The following DRAP1 variants were observed in gnomAD, a reference collection of about 807,000 sequenced individuals.
The protein encoded by DRAP1 is dr1-associated corepressor.
In DRAP1, 10 loss-of-function variants were observed where a neutral mutation model predicts 24.1. The observed-to-expected ratio is 0.41, with a 90% confidence interval of 0.26 to 0.70. DRAP1 has a LOEUF of 0.70. Among genes scored for constraint, DRAP1 ranks in the 30% least tolerant of loss-of-function variants. DRAP1 has a pLI of 0.29. For missense variants in DRAP1, 264 were observed against 275.6 expected (o/e 0.96, Z 0.30); for synonymous variants, 122 against 113.8 (o/e 1.07, Z -0.46).
chr11:65,920,196 G>A (rs1488114661), intron 3 of DRAP1, 147 bp from the exon 4 acceptor site: 1 of 1,444,076 alleles, frequency 6.9e-7, no homozygotes, highest in Non-Finnish European at 9.4e-7. Context: ...TCCAGGCAGA[G>A]GGAGCCACCT....
At chr11:65,920,247 G>T in intron 3 of DRAP1, 96 bp from the exon 4 acceptor site, 1 of 1,574,344 alleles carries the variant, frequency 6.4e-7, no homozygotes, top group Non-Finnish European at 8.6e-7. Context: ...ATCGGCCCGG[G>T]CTCCAGCCTG....
intron 2 of DRAP1, 33 bp downstream of exon 2, chr11:65,919,885 C>A (rs781614991): frequency 1.2e-6 from 2 of 1,613,172 alleles, no homozygotes; most frequent in African/African-American, 1.3e-5. Flanking sequence ...GGTCGAGGGG[C>A]GTGGGGGAGG....
chr11:65,920,545 C>T, intron 4 of DRAP1, 24 bp from the exon 5 acceptor site: 2 of 1,605,742 alleles, frequency 1.2e-6, no homozygotes, highest in Non-Finnish European at 1.7e-6. Context: ...GCACTCCGGG[C>T]AGATGGACTG....
intron 6 of DRAP1, 46 bp downstream of exon 6, chr11:65,921,018 G>A: frequency 6.9e-7 from 1 of 1,445,516 alleles, no homozygotes; most frequent in Non-Finnish European, 9.4e-7. Flanking sequence ...ACTCCCCAGA[G>A]CCAACTTACC....
At position 65,920,920 on chromosome 11, in the gene DRAP1, G is replaced by C; in HGVS notation, c.460G>C (p.Glu154Gln). Residue 154 changes from glutamate to glutamine, a missense_variant, in exon 6 of 7, where the codon GAG (glutamate) becomes CAG (glutamine). Coordinates refer to ENST00000312515, the MANE Select transcript of DRAP1 (RefSeq NM_006442.4). ...GGACACAGATACTGATGGGGAAGAG[G>C]AGACATCACAACCCCCACCCCAGGC... Reference protein sequence around the residue: ...SEDTDTDGEEETSQPPPQASH... With the variant: ...SEDTDTDGEEQTSQPPPQASH... 1 of 1,613,526 alleles carries C rather than the reference G, an allele frequency of 6.2e-7. No individual in the cohort carries two copies. Among genetic ancestry groups the C allele is most frequent in the Non-Finnish European group, 8.5e-7 (1 of 1,179,702 alleles).
chr11:65,920,644 G>C lies in DRAP1; in HGVS notation c.405G>C (p.Gly135=). 4 of 1,501,890 alleles carry C rather than the reference G, an allele frequency of 2.7e-6. No individual in the cohort carries two copies. The highest frequency in any genetic ancestry group is 3.6e-6 in the Non-Finnish European group (4 of 1,121,490). The allele number at this position is 1,501,890 out of a possible 1,614,324, so 93.0% of individuals were successfully genotyped here. A position where few individuals can be genotyped will look rare whatever the true frequency, so the allele number is the denominator to read the frequency against. Residue 135 remains glycine, a synonymous_variant, in exon 5 of 7, where the codon GGG becomes GGC. Transcript: ENST00000312515. ...GTKSKDKKLS[G]TDSEQEDESE... ...AAAGCAAGGACAAGAAGCTGTCCGG[G>C]ACAGACTCGGAGCAGGAGGTGAGTG...
chr11:65,919,506 C>G lies in DRAP1; in HGVS notation c.5C>G (p.Pro2Arg). The change falls in exon 1 of 7, where the codon CCG becomes CGG. Residue 2 changes from proline to arginine, a missense_variant. By Grantham distance (103) the Pro-to-Arg change is moderately radical. Coordinates refer to ENST00000312515, the MANE Select transcript of DRAP1 (RefSeq NM_006442.4). Reference protein sequence around the residue: MPSKKKKYNARF... With the variant: MRSKKKKYNARF... ...CGCGGCGAGAGAGGCCCCGAGATGC[C>G]GAGCAAGAAGAAGAAGTACAACGCG... 1 of 1,543,140 alleles carries G rather than the reference C, an allele frequency of 6.5e-7. No homozygotes were observed. The highest frequency in any genetic ancestry group is 8.7e-7 in the Non-Finnish European group (1 of 1,144,196).
At chr11:65,921,147 C>T (rs376207274) in intron 6 of DRAP1, 175 bp downstream of exon 6, 1 of 672,276 alleles carries the variant, frequency 1.5e-6, no homozygotes, top group Non-Finnish European at 2.5e-6. Context: ...TCCTGCTCCA[C>T]CCTGCCAGGG....
intron 2 of DRAP1, 41 bp from the exon 3 acceptor site, chr11:65,919,907 T>TC (rs747535664): frequency 6.2e-7 from 1 of 1,613,166 alleles, no homozygotes; most frequent in Admixed American, 1.7e-5. Context: ...AGGCAGCGGG[T>TC]CGCCCTCTCC....
chr11:65,920,970 G>A lies in DRAP1; in HGVS notation c.510G>A (p.Gln170=), dbSNP rs754773953. 2.9e-5 allele frequency: 47 copies of A among 1,607,348 alleles called. 1 individual carries two copies. The highest frequency in any genetic ancestry group is 1.7e-4 in the Middle Eastern group (1 of 6,000). Residue 170 remains glutamine, a splice_region_variant and synonymous_variant, in exon 6 of 7, where the codon CAG becomes CAA. Transcript: ENST00000312515. ...CCAGCCACCCCTCTGCCCACTTTCAGAGGTGAGCAGCCCAGAGGCATGGGA... is the reference window on the plus strand; with the variant it reads ...CCAGCCACCCCTCTGCCCACTTTCAAAGGTGAGCAGCCCAGAGGCATGGGA... ...PQASHPSAHF[Q]SPPTPFLPFA...
In DRAP1 at chr11:65,920,308, C is replaced by T. The variant is rs572931593; in HGVS notation, c.210-35C>T. 112 of 1,613,120 alleles carry T rather than the reference C, an allele frequency of 6.9e-5. 1 individual carries two copies. In the South Asian group the frequency reaches 1.1e-3, roughly 16 times the overall value. On this transcript the variant is annotated intron_variant, in intron 3 of 6. Coordinates refer to ENST00000312515, the MANE Select transcript of DRAP1 (RefSeq NM_006442.4). ...CACTGCGGGTTTGGGTGTCTGGGCC[C>T]CTCTTGAGTGCCAGCCCCTCCTCAC...
Position 65,920,876 on chromosome 11 carries a change from G to T in DRAP1, c.424-8G>T, listed in dbSNP as rs755021980. 1.2e-6 allele frequency: 2 copies of T among 1,610,548 alleles called. No homozygotes were observed. Among genetic ancestry groups the T allele is most frequent in the African/African-American group, 1.3e-5 (1 of 74,808 alleles). ...TCTTGTCAACTCTGACCTCTGCGGT[G>T]CTCACAGGATGAATCTGAGGACACA... On this transcript the variant is annotated splice_region_variant and splice_polypyrimidine_tract_variant and intron_variant, in intron 5 of 6. Coordinates refer to ENST00000312515, the MANE Select transcript of DRAP1 (RefSeq NM_006442.4).
chr11:65,919,718 C>T (rs894169164), intron 1 of DRAP1, 62 bp from the exon 2 acceptor site: 2 of 1,601,272 alleles, frequency 1.2e-6, no homozygotes, highest in African/African-American at 1.3e-5. Flanking sequence ...GCCCCTTCCT[C>T]CCCCAGCACC....
rs1430166751 is a variant in DRAP1, at chr11:65,919,858, C to A, written c.115+6C>A. 1 of 1,613,138 alleles carries A rather than the reference C, an allele frequency of 6.2e-7. No individual in the cohort carries two copies. Among genetic ancestry groups the A allele is most frequent in the Admixed American group, 1.7e-5 (1 of 60,030 alleles). ...GGCGGTGCCTGTCATCATCTGTATC[C>A]TGCCGGGGGCGGACCGGGTCGAGGG... On this transcript the variant is annotated splice_donor_region_variant and intron_variant, in intron 2 of 6. Coordinates refer to ENST00000312515, the MANE Select transcript of DRAP1 (RefSeq NM_006442.4).
rs1342617313 is a variant in DRAP1, at chr11:65,920,925, A to G, written c.465A>G (p.Thr155=). The G allele has an allele frequency of 6.2e-7, 1 of 1,613,524 alleles. No individual in the cohort carries two copies. Among genetic ancestry groups the G allele is most frequent in the East Asian group, 2.2e-5 (1 of 44,872 alleles). Residue 155 remains threonine, a synonymous_variant, in exon 6 of 7, where the codon ACA becomes ACG. Transcript: ENST00000312515. ...EDTDTDGEEE[T]SQPPPQASHP... ...CAGATACTGATGGGGAAGAGGAGACATCACAACCCCCACCCCAGGCCAGCC... is the reference window on the plus strand; with the variant it reads ...CAGATACTGATGGGGAAGAGGAGACGTCACAACCCCCACCCCAGGCCAGCC...
chr11:65,919,634 T>C (rs981730753), intron 1 of DRAP1, 91 bp downstream of exon 1: 1 of 1,535,338 alleles, frequency 6.5e-7, no homozygotes, highest in African/African-American at 1.4e-5. Flanking sequence ...CGCCGCGGTG[T>C]TCGGGGGCCT....
rs1012712054 is a variant in DRAP1 at position 65,919,496 on chromosome 11, C to A, written c.-6C>A. On this transcript the variant is annotated 5_prime_UTR_variant, in exon 1 of 7. Coordinates refer to ENST00000312515, the MANE Select transcript of DRAP1 (RefSeq NM_006442.4). Reference sequence around the variant, plus strand: ...CTGGACCCGACGCGGCGAGAGAGGCCCCGAGATGCCGAGCAAGAAGAAGAA... The same window carrying A: ...CTGGACCCGACGCGGCGAGAGAGGCACCGAGATGCCGAGCAAGAAGAAGAA... The A allele has an allele frequency of 6.5e-7, 1 of 1,541,928 alleles. No homozygotes were observed. Among genetic ancestry groups the A allele is most frequent in the Non-Finnish European group, 8.7e-7 (1 of 1,143,690 alleles).
At chr11:65,919,581 C>T in intron 1 of DRAP1, 38 bp downstream of exon 1, 1 of 1,547,974 alleles carries the variant, frequency 6.5e-7, no homozygotes, top group East Asian at 2.5e-5. Flanking sequence ...GTGGGCCCGG[C>T]TCCCGGGTGG....
intron 3 of DRAP1, 83 bp from the exon 4 acceptor site, chr11:65,920,260 A>G: frequency 6.3e-7 from 1 of 1,592,280 alleles, no homozygotes; most frequent in Non-Finnish European, 8.6e-7. Flanking sequence ...CCAGCCTGAC[A>G]TCTGGGGCCC....
Sources: gnomAD v4.1 joint callset for allele counts on GRCh38, gnomAD v4.1.1 for gene constraint, MANE v1.5 for transcripts, NCBI Gene and HGNC (gene_info 2026-07-23, HGNC 2026-07-21) for gene names.